Variants in DENND2B observed in about 807,000 individuals in gnomAD.
DENND2B encodes the protein DENN domain containing 2B.
A neutral mutation model predicts 116.0 loss-of-function variants in DENND2B; 32 were observed. That is an observed-to-expected ratio of 0.28 (90% confidence interval 0.21 to 0.37). The LOEUF (loss-of-function observed/expected upper bound fraction) is 0.37. Ranked by LOEUF, DENND2B falls within the 10% of genes least tolerant of loss-of-function variation. DENND2B has a pLI of 1.00. For missense variants in DENND2B, 1,276 were observed against 1,477.7 expected (o/e 0.86, Z 2.24); for synonymous variants, 588 against 583.9 (o/e 1.01, Z -0.10).
In DENND2B at chr11:8,714,628, C is replaced by T; in HGVS notation, c.1924G>A (p.Glu642Lys). Residue 642 changes from glutamate to lysine, a missense_variant, in exon 7 of 20, where the codon GAA becomes AAA. Coordinates refer to ENST00000313726, the MANE Select transcript of DENND2B (RefSeq NM_213618.2). ...RLKKLSMSSI[E>K]TASLRDENSE... Reference sequence around the variant, plus strand: ...AGCCTACCTCTCAGTGATGCTGTTTCAATGCTGGACATAGACAACTTTTTT... The same window carrying T: ...AGCCTACCTCTCAGTGATGCTGTTTTAATGCTGGACATAGACAACTTTTTT... 3 of 1,614,142 alleles carry T rather than the reference C, an allele frequency of 1.9e-6. No homozygotes were observed. Among genetic ancestry groups the T allele is most frequent in the Non-Finnish European group, 1.7e-6 (2 of 1,180,020 alleles).
At chr11:8,755,193 T>C (rs923817538) in intron 1 of DENND2B, among the ~76,000 whole-genome samples, 3 of 152,196 alleles carry the variant, frequency 2.0e-5, no homozygotes, top group Non-Finnish European at 4.4e-5. Flanking sequence ...TTACAAACAG[T>C]AGTTCTCTCC....
chr11:8,728,223 GAA>G (rs1465753641), intron 3 of DENND2B, among the ~76,000 whole-genome samples: 1 of 151,972 alleles, frequency 6.6e-6, no homozygotes, highest in Non-Finnish European at 1.5e-5. Context: ...AGGCTGTCTC[GAA>G]CTCCTGGTCT....
chr11:8,729,965 C>T lies in DENND2B; in HGVS notation c.1325G>A (p.Arg442His), dbSNP rs762272690. 4 of 1,613,842 alleles carry T rather than the reference C, an allele frequency of 2.5e-6. No homozygotes were observed. In the South Asian group the frequency reaches 3.3e-5, roughly 13 times the overall value. ...CATGCATTACCTGCTCTGGGACTTG[C>T]GGTGACCACGCATGTCCTTCTTGGG... ...RRPKKDMRGH[R>H]KSQSRKSFEF... Residue 442 changes from arginine (R) to histidine (H), a missense_variant, in exon 3 of 20, where the codon CGC becomes CAC. Arg to His is a conservative substitution (Grantham distance 29). Coordinates refer to ENST00000313726, the MANE Select transcript of DENND2B (RefSeq NM_213618.2).
chr11:8,706,988 C>A, intron 13 of DENND2B, 97 bp downstream of exon 13: 1 of 1,466,866 alleles, frequency 6.8e-7, no homozygotes, highest in Non-Finnish European at 9.2e-7. Context: ...AAGGAGGGAC[C>A]GTGCTCTGCA....
intron 2 of DENND2B, among the ~76,000 whole-genome samples, chr11:8,868,690 G>A (rs2134700730): frequency 6.6e-6 from 1 of 152,334 alleles, no homozygotes; most frequent in South Asian, 2.1e-4. Flanking sequence ...GCTGGCAGGT[G>A]GCATAGAGCA....
rs569175673 is a variant in DENND2B at position 8,789,704 on chromosome 11, C to A, written c.-26+20813G>T. ...AAATCCATAATGTGAAAAGTGAATT[C>A]ATGTTAAGAAATAAGAAGTGTCTAA... is the stretch of plus-strand genomic sequence containing the variant. On this transcript the variant is annotated intron_variant, in intron 1 of 19. Transcript: ENST00000313726. 4.6e-5 allele frequency among the ~76,000 whole-genome samples: 7 copies of A among 152,214 alleles called. No individual in the cohort carries two copies. The South Asian group carries it at 1.5e-3, about 32-fold the overall frequency.
chr11:8,814,642 C>T (rs2061507763), upstream of DENND2B, among the ~76,000 whole-genome samples: 1 of 152,208 alleles, frequency 6.6e-6, no homozygotes, highest in Admixed American at 6.5e-5. Context: ...TCAGAGCACT[C>T]ACCATGCTGT....
intron 1 of DENND2B, chr11:8,774,199 T>C (rs2057315833): frequency 1.0e-6 from 1 of 985,384 alleles, no homozygotes; most frequent in Admixed American, 6.1e-5. Flanking sequence ...TCTTGACAAC[T>C]GCAGCTGGAG....
chr11:8,730,562 T>C lies in DENND2B; in HGVS notation c.728A>G (p.Glu243Gly). 6.2e-7 allele frequency: 1 copy of C among 1,613,166 alleles called. No individual in the cohort carries two copies. Among genetic ancestry groups the C allele is most frequent in the Non-Finnish European group, 8.5e-7 (1 of 1,180,014 alleles). The change falls in exon 3 of 20, where the codon GAG becomes GGG. Residue 243 changes from glutamate to glycine, a missense_variant. This residue lies in a region of DENND2B where 856 missense variants were observed against 846.6 expected (regional missense o/e 1.01). Transcript: ENST00000313726. This position sits in a 1 kb window ranked among gnomAD's most constrained non-coding sequence, Gnocchi z 4.1. The part of the protein sequence containing the change: ...SECSYPETEE[E>G]GEALPVRDSF... The stretch of plus-strand genomic sequence containing the variant: ...GTCCCGGACAGGGAGCGCCTCTCCC[T>C]CCTCCTCAGTCTCTGGGTAGGAACA...
At chr11:8,840,699 G>A (rs1214123778) in intron 3 of DENND2B, among the ~76,000 whole-genome samples, 1 of 151,880 alleles carries the variant, frequency 6.6e-6, no homozygotes, top group Non-Finnish European at 1.5e-5. Flanking sequence ...TTCCATATTG[G>A]GCAGGAAGGG....
At chr11:8,794,228 C>T (rs1394965852) in intron 1 of DENND2B, among the ~76,000 whole-genome samples, 2 of 152,228 alleles carry the variant, frequency 1.3e-5, no homozygotes, top group African/African-American at 4.8e-5. Flanking sequence ...ACATACACAG[C>T]AAGGCCCTAA....
chr11:8,894,724 G>A (rs1050385920), intron 1 of DENND2B, among the ~76,000 whole-genome samples: 4 of 152,064 alleles, frequency 2.6e-5, no homozygotes, highest in African/African-American at 2.4e-5. Flanking sequence ...AATTAGAATG[G>A]CGGTCATTAA....
intron 5 of DENND2B, among the ~76,000 whole-genome samples, chr11:8,717,225 A>G (rs765480558): frequency 4.6e-5 from 7 of 151,664 alleles, no homozygotes; most frequent in Non-Finnish European, 7.4e-5. Flanking sequence ...ATTCATGCTT[A>G]CTCTCTCCCA....
intron 1 of DENND2B, among the ~76,000 whole-genome samples, chr11:8,800,110 T>C (rs1402665895): frequency 2.6e-5 from 4 of 151,986 alleles, no homozygotes; most frequent in Admixed American, 6.6e-5. Flanking sequence ...TGTGTTACCA[T>C]GCTTGGTTAA....
chr11:8,704,505 A>G (rs1204526872), intron 13 of DENND2B, among the ~76,000 whole-genome samples: 1 of 152,192 alleles, frequency 6.6e-6, no homozygotes, highest in African/African-American at 2.4e-5. Context: ...CATGAAGCCT[A>G]AAGTTCCTCT....
chr11:8,730,094 T>A lies in DENND2B; in HGVS notation c.1196A>T (p.Asp399Val), dbSNP rs1358215199. The change falls in exon 3 of 20, where the codon GAC becomes GTC. Residue 399 changes from aspartate (D) to valine (V), a missense_variant. Asp to Val is a radical substitution (Grantham distance 152). This residue lies in a region of DENND2B where 856 missense variants were observed against 846.6 expected (regional missense o/e 1.01). Coordinates refer to ENST00000313726, the MANE Select transcript of DENND2B (RefSeq NM_213618.2). The surrounding 1 kb of genome is among the most constrained non-coding windows in gnomAD (Gnocchi z 4.1). The stretch of plus-strand genomic sequence containing the variant: ...ACTGGGCTTACTCTTGGGGTTCTTG[T>A]CAGCCTCGTATTCAAAGGTGCGCTT... ...KPKRTFEYEADKNPKSKPSNG... is the reference protein window; with the variant it reads ...KPKRTFEYEAVKNPKSKPSNG... 1 of 1,614,066 alleles carries A rather than the reference T, an allele frequency of 6.2e-7. No individual in the cohort carries two copies. Among genetic ancestry groups the A allele is most frequent in the Non-Finnish European group, 8.5e-7 (1 of 1,180,028 alleles).
chr11:8,867,105 C>T (rs1405625552), intron 2 of DENND2B, among the ~76,000 whole-genome samples: 1 of 152,126 alleles, frequency 6.6e-6, no homozygotes, highest in East Asian at 1.9e-4. Flanking sequence ...GGGGATATTC[C>T]TTGGCCAAAC....
chr11:8,827,991 T>C (rs1464081009), intron 4 of DENND2B, among the ~76,000 whole-genome samples: 1 of 152,090 alleles, frequency 6.6e-6, no homozygotes, highest in Non-Finnish European at 1.5e-5. Flanking sequence ...GGGTGGACTG[T>C]GGCAATGTTG....
intron 2 of DENND2B, among the ~76,000 whole-genome samples, chr11:8,736,355 T>C (rs538668706): frequency 3.5e-5 from 5 of 142,868 alleles, no homozygotes; most frequent in Admixed American, 2.9e-4. Context: ...GAGTGAGACC[T>C]TGTCTCAAAA....
Sources: allele counts gnomAD v4.1 joint callset (sites outside exome capture counted in the v4.1 genomes callset), GRCh38; gene constraint gnomAD v4.1.1; regional missense constraint gnomAD v4.1.1; non-coding constraint Gnocchi (gnomAD v3.1); transcripts MANE v1.5; gene names NCBI Gene and HGNC (gene_info 2026-07-23, HGNC 2026-07-21).